The following ADAMTS8 variants were observed in gnomAD, a reference collection of about 807,000 sequenced individuals.
ADAMTS8 encodes A disintegrin and metalloproteinase with thrombospondin motifs 8.
ADAMTS8 carries 50 observed loss-of-function variants against 64.4 expected under a neutral mutation model. The observed-to-expected ratio is 0.78, with a 90% CI of 0.62 to 0.98. ADAMTS8 has a LOEUF of 0.98. Among genes scored for constraint, ADAMTS8 ranks in the 50% least tolerant of loss-of-function variants. The probability of loss-of-function intolerance (pLI) is 0.00; values close to 1 mark genes in which losing one functional copy is unlikely to be tolerated. For synonymous variants in ADAMTS8, 556 were observed against 533.6 expected, an observed-to-expected ratio of 1.04 and a Z score of -0.58; for missense variants, 1,192 against 1,208.2, an observed-to-expected ratio of 0.99 and a Z score of 0.20.
chr11:130,428,049 T>C lies in ADAMTS8; in HGVS notation c.238A>G (p.Lys80Glu), dbSNP rs1270987098. 1 of 1,532,190 alleles carries C rather than the reference T, an allele frequency of 6.5e-7. No individual in the cohort carries two copies. Among genetic ancestry groups the C allele is most frequent in the African/African-American group, 1.4e-5 (1 of 71,440 alleles). 94.9% of individuals were successfully genotyped at this position (1,532,190 alleles called of 1,614,324 possible). A position where few individuals can be genotyped will look rare whatever the true frequency, so the allele number is the denominator to read the frequency against. ...PDDSFLAPEF[K>E]IERLGGSGRA... ...CCGGAGCCCCCGAGGCGCTCGATCT[T>C]GAACTCGGGCGCTAGGAAGCTGTCG... is the stretch of plus-strand genomic sequence containing the variant. The change falls in exon 1 of 9, where the codon AAG (lysine) becomes GAG (glutamate). Residue 80 changes from lysine to glutamate, a missense_variant. Lys to Glu is a moderately conservative substitution (Grantham distance 56). This residue lies in a region of ADAMTS8 where 741 missense variants were observed against 710.6 expected (regional missense o/e 1.04). Coordinates refer to ENST00000257359, the MANE Select transcript of ADAMTS8 (RefSeq NM_007037.6).
In ADAMTS8 at chr11:130,405,822, G is replaced by T. The variant is rs763337543; in HGVS notation, c.2406C>A (p.Val802=). The T allele has an allele frequency of 1.9e-6, 3 of 1,613,980 alleles. No individual in the cohort carries two copies. Among genetic ancestry groups the T allele is most frequent in the Non-Finnish European group, 2.5e-6 (3 of 1,180,046 alleles). Residue 802 remains valine, a synonymous_variant, in exon 9 of 9, where the codon GTC becomes GTA. Transcript: ENST00000257359. ...CATTAGGAACAAAGAAGGTGTATTT[G>T]ACTTTTGGGGGGAAGACCTCGCCAG... ...TVPGEVFPPK[V]KYTFFVPNDV...
chr11:130,428,390 C>T lies in ADAMTS8; in HGVS notation c.-104G>A. 2 of 1,182,138 alleles carry T rather than the reference C, an allele frequency of 1.7e-6. No individual in the cohort carries two copies. Among genetic ancestry groups the T allele is most frequent in the Non-Finnish European group, 1.1e-6 (1 of 948,594 alleles). The allele number at this position is 1,182,138 out of a possible 1,614,324, so 73.2% of individuals were successfully genotyped here. The stretch of plus-strand genomic sequence containing the variant: ...GCCCGGCCGCTCTCTCCAGGAAAAG[C>T]GGAATCAATCGGGTGCAAGGCCGAC... On this transcript the variant is annotated 5_prime_UTR_variant, in exon 1 of 9. Transcript: ENST00000257359.
In ADAMTS8 at chr11:130,416,151, G is replaced by A. The variant is rs754808172; in HGVS notation, c.1264+12C>T. On this transcript the variant is annotated intron_variant, in intron 4 of 8. Coordinates refer to ENST00000257359, the MANE Select transcript of ADAMTS8 (RefSeq NM_007037.6). This position sits in a 1 kb window ranked among gnomAD's most constrained non-coding sequence, Gnocchi z 4.8. ...CCACGGGGACAAGTAGGGCGGGGCCGCCGGTGCCTACCGTGCCCGCCGTCC... is the reference window on the plus strand; with the variant it reads ...CCACGGGGACAAGTAGGGCGGGGCCACCGGTGCCTACCGTGCCCGCCGTCC... 152 of 1,561,308 alleles carry A rather than the reference G, an allele frequency of 9.7e-5. No individual in the cohort carries two copies. The highest frequency in any genetic ancestry group is 1.2e-4 in the Non-Finnish European group (143 of 1,151,926).
chr11:130,419,151 G>GC lies in ADAMTS8; in HGVS notation c.861dup (p.Leu288AlafsTer5), dbSNP rs780828525. 4 of 1,614,180 alleles carry GC rather than the reference G, an allele frequency of 2.5e-6. No homozygotes were observed. Among genetic ancestry groups the GC allele is most frequent in the Admixed American group, 1.7e-5 (1 of 60,018 alleles). Reference sequence around the variant, plus strand: ...CAGTTGCAGAAGTTACGCAGTGTAAGCCCCCCATTGTCGGACACCTCTGGG... The same window carrying GC: ...CAGTTGCAGAAGTTACGCAGTGTAAGCCCCCCCATTGTCGGACACCTCTGGG... On this transcript the variant is annotated frameshift_variant, in exon 2 of 9. Transcript: ENST00000257359. LOFTEE classifies it high-confidence loss of function.
intron 1 of ADAMTS8, among the ~76,000 whole-genome samples, chr11:130,426,052 T>A (rs1483022766): frequency 6.6e-6 from 1 of 152,210 alleles, no homozygotes; most frequent in African/African-American, 2.4e-5. Context: ...CTCCCACCGC[T>A]CCGTGCTCTC....
chr11:130,406,843 G>T (rs1334576381), intron 8 of ADAMTS8, among the ~76,000 whole-genome samples: 2 of 152,176 alleles, frequency 1.3e-5, no homozygotes, highest in Non-Finnish European at 2.9e-5. Flanking sequence ...TTAGTTGTTT[G>T]TTCTTTTCTG....
chr11:130,406,242 C>A, intron 8 of ADAMTS8, 114 bp from the exon 9 acceptor site: 1 of 1,321,396 alleles, frequency 7.6e-7, no homozygotes, highest in African/African-American at 1.5e-5. Flanking sequence ...AAAAACAAAG[C>A]AAGTAATTAA....
chr11:130,411,698 C>A lies in ADAMTS8; in HGVS notation c.1567-98G>T. The A allele has an allele frequency of 8.0e-7, 1 of 1,250,512 alleles. No homozygotes were observed. The highest frequency in any genetic ancestry group is 1.4e-5 in the South Asian group (1 of 72,200). The allele number at this position is 1,250,512 out of a possible 1,614,324, so 77.5% of individuals were successfully genotyped here. ...CAATGCCCTGGCTTCCTCATCTAGTCATTATCATCTTGGTGCATGGAGTGC... is the reference window on the plus strand; with the variant it reads ...CAATGCCCTGGCTTCCTCATCTAGTAATTATCATCTTGGTGCATGGAGTGC... On this transcript the variant is annotated intron_variant, in intron 5 of 8. Transcript: ENST00000257359. This position sits in a 1 kb window ranked among gnomAD's most constrained non-coding sequence, Gnocchi z 4.2.
chr11:130,416,982 C>T lies in ADAMTS8; in HGVS notation c.1054G>A (p.Asp352Asn), dbSNP rs775024729. Reference protein sequence around the residue: ...DPNKSCSVIEDEGLQAAHTLA... With the variant: ...DPNKSCSVIENEGLQAAHTLA... ...GTGTGGGCCGCCTGGAGCCCCTCAT[C>T]CTCGATCACGGAGCAGCTTTTGTTG... Residue 352 changes from aspartate (D) to asparagine (N), a missense_variant, in exon 3 of 9, where the codon GAT becomes AAT. Asp to Asn is a conservative substitution (Grantham distance 23). This residue lies in a region of ADAMTS8 where 741 missense variants were observed against 710.6 expected (regional missense o/e 1.04). Transcript: ENST00000257359. This position sits in a 1 kb window ranked among gnomAD's most constrained non-coding sequence, Gnocchi z 4.8. 6.2e-6 allele frequency: 10 copies of T among 1,614,020 alleles called. No individual in the cohort carries two copies. The highest frequency in any genetic ancestry group is 1.3e-5 in the African/African-American group (1 of 74,936).
At position 130,417,052 on chromosome 11, in the gene ADAMTS8, C is replaced by A; in HGVS notation, c.984G>T (p.Leu328=). 6.2e-7 allele frequency: 1 copy of A among 1,613,986 alleles called. No homozygotes were observed. The highest frequency in any genetic ancestry group is 8.5e-7 in the Non-Finnish European group (1 of 1,180,004). ...TGTCTGCCACACCCAGGGTGTCACA[C>A]AGCCCCTCCTGCCCACAGAAGTTCT... ...TRQNFCGQEG[L]CDTLGVADIG... Residue 328 remains leucine (L), a synonymous_variant, in exon 3 of 9, where the codon CTG becomes CTT. Transcript: ENST00000257359.
chr11:130,425,155 G>A (rs1862147757), intron 1 of ADAMTS8, among the ~76,000 whole-genome samples: 2 of 152,148 alleles, frequency 1.3e-5, no homozygotes, highest in Non-Finnish European at 2.9e-5. Flanking sequence ...GTCTCATGAG[G>A]ATGGCAATGC....
chr11:130,425,893 G>A (rs1336444872), intron 1 of ADAMTS8, among the ~76,000 whole-genome samples: 2 of 152,124 alleles, frequency 1.3e-5, no homozygotes, highest in Non-Finnish European at 2.9e-5. Context: ...GAGCCACCGT[G>A]CCCGGCCATC....
At chr11:130,419,455 C>T (rs1053842855) in intron 1 of ADAMTS8, among the ~76,000 whole-genome samples, 163 bp from the exon 2 acceptor site, 9 of 152,198 alleles carry the variant, frequency 5.9e-5, no homozygotes, top group Non-Finnish European at 1.0e-4. Flanking sequence ...CTTCATTTTG[C>T]ATGTGAGAAA....
rs570797421 is a variant in ADAMTS8 at position 130,428,022 on chromosome 11, G to A, written c.265C>T (p.Arg89Trp). 4.6e-4 allele frequency: 697 copies of A among 1,526,672 alleles called. 3 individuals carry two copies. The African/African-American group carries it at 9.2e-3, about 20-fold the overall frequency. 94.6% of individuals were successfully genotyped at this position (1,526,672 alleles called of 1,614,324 possible). ...FKIERLGGSGRATGGERGLRG... is the reference protein window; with the variant it reads ...FKIERLGGSGWATGGERGLRG... Reference sequence around the variant, plus strand: ...AGCCCCCGCTCGCCCCCGGTCGCCCGGCCGGAGCCCCCGAGGCGCTCGATC... The same window carrying A: ...AGCCCCCGCTCGCCCCCGGTCGCCCAGCCGGAGCCCCCGAGGCGCTCGATC... Residue 89 changes from arginine (R) to tryptophan (W), a missense_variant, in exon 1 of 9, where the codon CGG becomes TGG. By Grantham distance (101) the Arg-to-Trp change is moderately radical (BLOSUM62 -3). Around this residue, in one of 5 missense-constraint regions of ADAMTS8, gnomAD observed 741 missense variants for 710.6 expected, o/e 1.04. Coordinates refer to ENST00000257359, the MANE Select transcript of ADAMTS8 (RefSeq NM_007037.6).
intron 4 of ADAMTS8, 112 bp from the exon 5 acceptor site, chr11:130,414,944 C>T (rs1470733140): frequency 1.0e-5 from 12 of 1,164,262 alleles, no homozygotes; most frequent in Middle Eastern, 3.0e-4. Flanking sequence ...GACTTCTTGA[C>T]CTCCAACTAA....
chr11:130,419,217 T>A lies in ADAMTS8; in HGVS notation c.796A>T (p.Met266Leu). The A allele has an allele frequency of 1.2e-6, 2 of 1,614,114 alleles. No homozygotes were observed. Among genetic ancestry groups the A allele is most frequent in the Non-Finnish European group, 1.7e-6 (2 of 1,180,040 alleles). The change falls in exon 2 of 9, where the codon ATG becomes TTG. Residue 266 changes from methionine (M) to leucine (L), a missense_variant. Met to Leu is a conservative substitution (Grantham distance 15). This residue lies in a region of ADAMTS8 where 741 missense variants were observed against 710.6 expected (regional missense o/e 1.04). Coordinates refer to ENST00000257359, the MANE Select transcript of ADAMTS8 (RefSeq NM_007037.6). ...HPSIKNSINL[M>L]VVKVLIVEDE... Reference sequence around the variant, plus strand: ...TCTACGATCAGCACTTTTACCACCATCAGGTTGATGGAATTCTTGATGCTG... The same window carrying A: ...TCTACGATCAGCACTTTTACCACCAACAGGTTGATGGAATTCTTGATGCTG...
In ADAMTS8 at chr11:130,416,416, CAG is replaced by C. The variant is rs1331938347; in HGVS notation, c.1097-88_1097-87del. ...AGCTAGGGACAGAGATGGAGCTCCT[CAG>C]GGGAGCAGCCACCCCCTCACTCTCC... is the stretch of plus-strand genomic sequence containing the variant. On this transcript the variant is annotated intron_variant, in intron 3 of 8. Coordinates refer to ENST00000257359, the MANE Select transcript of ADAMTS8 (RefSeq NM_007037.6). This position sits in a 1 kb window ranked among gnomAD's most constrained non-coding sequence, Gnocchi z 4.8. The C allele has an allele frequency of 7.6e-5, 107 of 1,400,906 alleles. No individual in the cohort carries two copies. The highest frequency in any genetic ancestry group is 3.3e-5 in the Non-Finnish European group (35 of 1,059,310). 86.8% of individuals were successfully genotyped at this position (1,400,906 alleles called of 1,614,324 possible).
At chr11:130,427,270 G>T (rs1862178817) in intron 1 of ADAMTS8, among the ~76,000 whole-genome samples, 5 of 152,176 alleles carry the variant, frequency 3.3e-5, no homozygotes, top group African/African-American at 1.2e-4. Context: ...AGTGCGCCAC[G>T]TGCCGCGGGA....
chr11:130,406,140 A>C lies in ADAMTS8; in HGVS notation c.2100-12T>G, dbSNP rs769080732. On this transcript the variant is annotated splice_polypyrimidine_tract_variant and intron_variant, in intron 8 of 8. Coordinates refer to ENST00000257359, the MANE Select transcript of ADAMTS8 (RefSeq NM_007037.6). ...CATTGTAGCCATAACTGTGATAGAA[A>C]CAGAAGGACACCCTTAGACCAGTGG... The C allele has an allele frequency of 1.3e-6, 2 of 1,598,720 alleles. No individual in the cohort carries two copies. Among genetic ancestry groups the C allele is most frequent in the Non-Finnish European group, 1.7e-6 (2 of 1,175,500 alleles).
Sources: allele counts gnomAD v4.1 joint callset (sites outside exome capture counted in the v4.1 genomes callset), GRCh38; gene constraint gnomAD v4.1.1; regional missense constraint gnomAD v4.1.1; non-coding constraint Gnocchi (gnomAD v3.1); transcripts MANE v1.5; gene names NCBI Gene and HGNC (gene_info 2026-07-23, HGNC 2026-07-21).